MME: variants seen among roughly 807,000 people sequenced by gnomAD.
The protein encoded by MME is neprilysin.
In MME, 98 loss-of-function variants were observed where a neutral mutation model predicts 113.2. The observed-to-expected ratio is 0.87, with a 90% CI of 0.74 to 1.02. The LOEUF (loss-of-function observed/expected upper bound fraction) is 1.02, where lower values mean the gene tolerates loss of function less well. Among genes scored for constraint, MME ranks in the 50% least tolerant of loss-of-function variants. MME has a pLI of 0.00. For synonymous variants in MME, 292 were observed against 300.6 expected, an observed-to-expected ratio of 0.97 and a Z score of 0.30; for missense variants, 836 against 896.0, an observed-to-expected ratio of 0.93 and a Z score of 0.86.
chr3:155,101,680 T>C (rs963453236), intron 3 of MME, among the ~76,000 whole-genome samples: 19 of 152,284 alleles, frequency 1.2e-4, no homozygotes, highest in African/African-American at 4.1e-4. Context: ...TGAAGTTTCC[T>C]TGGATCAACA....
At chr3:155,064,231 G>A (rs1714309802) in intron 1 of MME, among the ~76,000 whole-genome samples, 1 of 152,088 alleles carries the variant, frequency 6.6e-6, no homozygotes, top group Non-Finnish European at 1.5e-5. Flanking sequence ...GGAGGTTGCA[G>A]TGAGCCGAGA....
chr3:155,041,082 C>A (rs1482976185), intron 1 of MME, among the ~76,000 whole-genome samples: 2 of 152,144 alleles, frequency 1.3e-5, no homozygotes, highest in Non-Finnish European at 1.5e-5. Flanking sequence ...ATTCTAGGAA[C>A]CATCCTTGAT....
At chr3:155,168,875 G>T in intron 20 of MME, 78 bp downstream of exon 20, 1 of 1,297,636 alleles carries the variant, frequency 7.7e-7, no homozygotes. Flanking sequence ...AAAACCTTTT[G>T]CAAAAAAAGA....
chr3:155,172,254 G>T, intron 21 of MME, 42 bp downstream of exon 21: 1 of 1,349,146 alleles, frequency 7.4e-7, no homozygotes, highest in Non-Finnish European at 1.1e-6. Flanking sequence ...AAACCATTTT[G>T]AGTTATAATT....
At chr3:155,151,153 T>G (rs1392012650) in intron 16 of MME, among the ~76,000 whole-genome samples, 1 of 152,198 alleles carries the variant, frequency 6.6e-6, no homozygotes, top group African/African-American at 2.4e-5. Flanking sequence ...CCTTGCTGTG[T>G]ATGTTTAGAC....
intron 1 of MME, among the ~76,000 whole-genome samples, chr3:155,063,904 G>A (rs569256646): frequency 7.3e-5 from 11 of 151,478 alleles, no homozygotes; most frequent in Non-Finnish European, 1.0e-4. Context: ...CAATGTGACT[G>A]TATTTGGGAG....
At chr3:155,050,545 T>C in intron 1 of MME, among the ~76,000 whole-genome samples, 1 of 152,208 alleles carries the variant, frequency 6.6e-6, no homozygotes, top group Admixed American at 6.5e-5. Context: ...AGATAGTATG[T>C]CATCACGGTT....
chr3:155,049,305 G>A (rs1052114923), intron 1 of MME, among the ~76,000 whole-genome samples: 1 of 151,984 alleles, frequency 6.6e-6, no homozygotes, highest in Non-Finnish European at 1.5e-5. Flanking sequence ...TATAAGAAAC[G>A]GAAAAGGTCA....
rs1477642655 is a variant in MME, at chr3:155,181,701, G to A, written c.*1242G>A. 1.3e-5 allele frequency: 2 copies of A among 152,114 alleles called. No individual in the cohort carries two copies. 9.4% of individuals were successfully genotyped at this position (152,114 alleles called of 1,614,324 possible). On this transcript the variant is annotated 3_prime_UTR_variant, in exon 23 of 23. Coordinates refer to ENST00000360490, the MANE Select transcript of MME (RefSeq NM_007289.4). ...ATAAGTCACAAAGAGTTCTGGAAAA[G>A]AACTGTTTACTGCTTGATAGGAATT...
intron 1 of MME, among the ~76,000 whole-genome samples, chr3:155,061,661 G>GT (rs1194964540): frequency 0.062 from 8,295 of 133,706 alleles, 364 homozygotes; most frequent in African/African-American, 0.1. Context: ...TTATCTGTAG[G>GT]TTTTTTTTTT....
intron 4 of MME, 31 bp downstream of exon 4, chr3:155,115,186 A>T (rs200895277): frequency 6.2e-7 from 1 of 1,610,096 alleles, no homozygotes; most frequent in Non-Finnish European, 8.5e-7. Context: ...TGCATCAAAG[A>T]TTTCTCTCTT....
chr3:155,076,497 T>C (rs529640257), upstream of MME, among the ~76,000 whole-genome samples: 47 of 152,306 alleles, frequency 3.1e-4, no homozygotes, highest in African/African-American at 1.1e-3. Context: ...CACATATCCT[T>C]CTTGATTTTT....
At chr3:155,048,027 A>T (rs1421541565) in intron 1 of MME, among the ~76,000 whole-genome samples, 2 of 152,144 alleles carry the variant, frequency 1.3e-5, no homozygotes, top group African/African-American at 4.8e-5. Context: ...AGTAGGCTTT[A>T]TTCCAGGGGG....
At chr3:155,044,551 G>C (rs1045348973) in intron 1 of MME, among the ~76,000 whole-genome samples, 1 of 151,656 alleles carries the variant, frequency 6.6e-6, no homozygotes, top group Admixed American at 6.6e-5. Flanking sequence ...ACAGAGTCTC[G>C]CTGTTGTTGC....
At position 155,085,048 on chromosome 3, in the gene MME, C is replaced by A. The variant is rs201622614; in HGVS notation, c.161-11C>A. On this transcript the variant is annotated splice_polypyrimidine_tract_variant and intron_variant, in intron 2 of 22. Coordinates refer to ENST00000360490, the MANE Select transcript of MME (RefSeq NM_007289.4). ...TTGCCAATATTTATGTATATTCTCT[C>A]CTTTTTCTAGATGGTATTTGCAAGT... 1.3e-6 allele frequency: 2 copies of A among 1,576,342 alleles called. No homozygotes were observed. Among genetic ancestry groups the A allele is most frequent in the Non-Finnish European group, 1.7e-6 (2 of 1,152,026 alleles).
chr3:155,084,514 G>A, intron 2 of MME, 187 bp downstream of exon 2: 3 of 649,640 alleles, frequency 4.6e-6, no homozygotes, highest in South Asian at 3.7e-5. Flanking sequence ...TGCCTTTTAT[G>A]TTTGAGCTAA....
rs994683869 is a variant in MME at position 155,182,903 on chromosome 3, A to G, written c.*2444A>G. ...ACATGGTACTCTTGTTGAGTTCTGT[A>G]GAGCCTTCTGATGTCTCTAAAGCAC... On this transcript the variant is annotated 3_prime_UTR_variant, in exon 23 of 23. Transcript: ENST00000360490. 5.9e-5 allele frequency: 9 copies of G among 152,234 alleles called. No individual in the cohort carries two copies. The highest frequency in any genetic ancestry group is 1.3e-4 in the Admixed American group (2 of 15,274). The allele number at this position is 152,234 out of a possible 1,614,324, so 9.4% of individuals were successfully genotyped here.
intron 15 of MME, among the ~76,000 whole-genome samples, chr3:155,148,120 G>T (rs1419078053): frequency 1.3e-5 from 2 of 152,016 alleles, no homozygotes; most frequent in African/African-American, 4.8e-5. Context: ...GGGGATAGGA[G>T]CCCTTAGTTC....
chr3:155,088,640 G>A (rs893771352), intron 3 of MME, among the ~76,000 whole-genome samples: 8 of 143,090 alleles, frequency 5.6e-5, no homozygotes, highest in East Asian at 4.1e-4. Flanking sequence ...CTGAGATTGC[G>A]CCATTGCACT....
Sources: allele counts gnomAD v4.1 joint callset (sites outside exome capture counted in the v4.1 genomes callset), GRCh38; gene constraint gnomAD v4.1.1; transcripts MANE v1.5; gene names NCBI Gene and HGNC (gene_info 2026-07-23, HGNC 2026-07-21).